The following RALGPS1 variants were observed in gnomAD, a reference collection of about 807,000 sequenced individuals.
RALGPS1 encodes ras-specific guanine nucleotide-releasing factor RalGPS1.
A neutral mutation model predicts 78.8 loss-of-function variants in RALGPS1; 19 were observed. The observed-to-expected ratio is 0.24, with a 90% CI of 0.17 to 0.35. The LOEUF (loss-of-function observed/expected upper bound fraction) is 0.35. Among genes scored for constraint, RALGPS1 ranks in the 10% least tolerant of loss-of-function variants. The pLI is 1.00. For synonymous variants in RALGPS1, 228 were observed against 256.3 expected (o/e 0.89, Z 1.06); for missense variants, 454 against 688.3 (o/e 0.66, Z 3.81).
At chr9:127,008,815 G>T (rs1392496831) in intron 4 of RALGPS1, among the ~76,000 whole-genome samples, 1 of 152,182 alleles carries the variant, frequency 6.6e-6, no homozygotes, top group African/African-American at 2.4e-5. Context: ...CATGTATAAT[G>T]AATTTAGATC....
At chr9:127,116,629 C>T (rs1012506088) in intron 8 of RALGPS1, among the ~76,000 whole-genome samples, 3 of 152,218 alleles carry the variant, frequency 2.0e-5, no homozygotes, top group African/African-American at 4.8e-5. Flanking sequence ...GTGGACAGCA[C>T]TGCCCCAGGG....
chr9:126,940,831 G>A (rs559156273), intron 1 of RALGPS1, among the ~76,000 whole-genome samples: 2 of 152,242 alleles, frequency 1.3e-5, no homozygotes, highest in Non-Finnish European at 1.5e-5. Context: ...CCTGGGAACC[G>A]CTGTCTTTAA....
intron 8 of RALGPS1, among the ~76,000 whole-genome samples, chr9:127,154,357 G>T (rs775141067): frequency 1.3e-5 from 2 of 152,214 alleles, no homozygotes; most frequent in Non-Finnish European, 2.9e-5. Flanking sequence ...AGGAGCCCCT[G>T]CCCACTGAAA....
chr9:126,993,702 T>TTGA (rs1303522756), intron 4 of RALGPS1, among the ~76,000 whole-genome samples: 3 of 152,210 alleles, frequency 2.0e-5, no homozygotes, highest in Middle Eastern at 3.4e-3. Context: ...AGCACGCAGC[T>TTGA]TGAGATCTGA....
In RALGPS1 at chr9:126,946,047, T is replaced by C. The variant is rs571414589; in HGVS notation, c.-65-16178T>C. On this transcript the variant is annotated intron_variant, in intron 1 of 18. Transcript: ENST00000259351. ...GAGGGACGGGGCGCAGCAGGGAGAC[T>C]GCGTAAGAGGCTTTCACGGTAGATG... Among the ~76,000 whole-genome samples, 4 of 152,336 alleles carry C rather than the reference T, an allele frequency of 2.6e-5. No homozygotes were observed. In the South Asian group the frequency reaches 6.2e-4, roughly 24 times the overall value.
chr9:127,123,749 A>G (rs1242306064), intron 8 of RALGPS1, among the ~76,000 whole-genome samples: 1 of 152,138 alleles, frequency 6.6e-6, no homozygotes, highest in Non-Finnish European at 1.5e-5. Context: ...TCCTCCAGAC[A>G]CGTCAGCACT....
chr9:127,024,957 C>T (rs1405209492), intron 4 of RALGPS1, among the ~76,000 whole-genome samples: 1 of 152,094 alleles, frequency 6.6e-6, no homozygotes, highest in Non-Finnish European at 1.5e-5. Context: ...AAAAATCACC[C>T]ATTTTAGTAA....
intron 5 of RALGPS1, among the ~76,000 whole-genome samples, chr9:127,035,859 T>C (rs1283696349): frequency 6.6e-6 from 1 of 152,198 alleles, no homozygotes; most frequent in African/African-American, 2.4e-5. Flanking sequence ...TTCTTTTTTC[T>C]TTGTTTTGAA....
intron 5 of RALGPS1, among the ~76,000 whole-genome samples, chr9:127,036,845 C>T (rs1254963800): frequency 1.3e-5 from 2 of 152,160 alleles, no homozygotes; most frequent in African/African-American, 4.8e-5. Context: ...TATGAATGTT[C>T]CTCCAGAAAA....
chr9:126,979,212 G>A (rs2040979272), intron 4 of RALGPS1, among the ~76,000 whole-genome samples: 1 of 151,186 alleles, frequency 6.6e-6, no homozygotes, highest in African/African-American at 2.4e-5. Context: ...ATGTGAAGAC[G>A]TGGCAGTTAT....
At chr9:127,042,306 T>G (rs943934502) in intron 5 of RALGPS1, among the ~76,000 whole-genome samples, 6 of 152,182 alleles carry the variant, frequency 3.9e-5, no homozygotes, top group African/African-American at 1.4e-4. Flanking sequence ...ATTAAAAGTT[T>G]ATTAGCACCA....
intron 4 of RALGPS1, among the ~76,000 whole-genome samples, chr9:126,980,868 C>CA (rs1022919796): frequency 2.0e-5 from 3 of 152,190 alleles, no homozygotes; most frequent in African/African-American, 7.2e-5. Context: ...GATGTGGAAA[C>CA]AGCCATCTTA....
At chr9:127,119,291 G>A (rs1457701845) in intron 8 of RALGPS1, among the ~76,000 whole-genome samples, 2 of 152,236 alleles carry the variant, frequency 1.3e-5, no homozygotes, top group South Asian at 2.1e-4. Context: ...CAAGGGATGC[G>A]CTAAAGTTGA....
chr9:127,060,509 CTGTTGT>C lies in RALGPS1; in HGVS notation c.483+7599_483+7604del, dbSNP rs35010607. On this transcript the variant is annotated intron_variant, in intron 7 of 18. Coordinates refer to ENST00000259351, the MANE Select transcript of RALGPS1 (RefSeq NM_014636.3). ...ATATTGAGGGGTTGGTAAGTATTAC[CTGTTGT>C]TGTTGTTGTTGTTGTTGTTGTTGTT... Among the ~76,000 whole-genome samples the C allele has an allele frequency of 7.1e-3, 1,074 of 150,860 alleles. 11 individuals are homozygous for C. Among genetic ancestry groups the C allele is most frequent in the African/African-American group, 0.021 (856 of 40,982 alleles).
chr9:127,052,805 G>T, intron 6 of RALGPS1, 42 bp from the exon 7 acceptor site: 1 of 1,325,570 alleles, frequency 7.5e-7, no homozygotes. Flanking sequence ...TTGTTCTGTT[G>T]TTTATAGCAG....
chr9:127,148,023 C>T (rs550818490), intron 8 of RALGPS1, among the ~76,000 whole-genome samples: 1 of 152,344 alleles, frequency 6.6e-6, no homozygotes, highest in South Asian at 2.1e-4. Context: ...CCCTAAACTC[C>T]TCCTCAGTAG....
intron 5 of RALGPS1, among the ~76,000 whole-genome samples, chr9:127,046,395 A>G (rs1020198261): frequency 1.3e-5 from 2 of 152,160 alleles, no homozygotes; most frequent in Non-Finnish European, 2.9e-5. Flanking sequence ...GCTTCAATGA[A>G]ACCTTGTGTA....
At chr9:127,004,149 T>C (rs1360779314) in intron 4 of RALGPS1, among the ~76,000 whole-genome samples, 2 of 152,214 alleles carry the variant, frequency 1.3e-5, no homozygotes, top group Non-Finnish European at 2.9e-5. Flanking sequence ...CTTTCCCTTT[T>C]CCTTTCCTTT....
intron 1 of RALGPS1, among the ~76,000 whole-genome samples, chr9:126,944,118 C>T (rs1001674957): frequency 2.6e-5 from 4 of 152,244 alleles, no homozygotes; most frequent in Admixed American, 1.3e-4. Context: ...TACCATCCGC[C>T]AGCCAGCAGC....
Sources: gnomAD v4.1 joint callset for allele counts (sites outside exome capture counted in the v4.1 genomes callset) on GRCh38, gnomAD v4.1.1 for gene constraint, MANE v1.5 for transcripts, NCBI Gene and HGNC (gene_info 2026-07-23, HGNC 2026-07-21) for gene names.